Variants in CERT1 observed in about 807,000 individuals in gnomAD.
CERT1 encodes the protein ceramide transfer protein.
A neutral mutation model predicts 87.9 loss-of-function variants in CERT1; 31 were observed. The ratio of observed to expected loss-of-function variants is 0.35; its 90% confidence interval spans 0.27 to 0.48. The LOEUF (loss-of-function observed/expected upper bound fraction) is 0.48. Ranked by LOEUF, CERT1 falls within the 20% of genes least tolerant of loss-of-function variation. CERT1 has a pLI of 0.99. For synonymous variants in CERT1, 289 were observed against 250.9 expected (o/e 1.15, Z -1.44); for missense variants, 487 against 758.0 (o/e 0.64, Z 4.20).
chr5:75,439,479 C>T (rs1764229345), intron 3 of CERT1, among the ~76,000 whole-genome samples: 1 of 151,970 alleles, frequency 6.6e-6, no homozygotes, highest in Non-Finnish European at 1.5e-5. Flanking sequence ...AAGTAACTTC[C>T]TCATGGTGTC....
intron 2 of CERT1, among the ~76,000 whole-genome samples, chr5:75,465,032 G>A (rs1765401704): frequency 6.6e-6 from 1 of 152,190 alleles, no homozygotes; most frequent in Non-Finnish European, 1.5e-5. Context: ...TCTCTGCCAT[G>A]ACGGACATGG....
At chr5:75,457,696 C>T (rs565844189) in intron 3 of CERT1, among the ~76,000 whole-genome samples, 27 of 151,968 alleles carry the variant, frequency 1.8e-4, no homozygotes, top group African/African-American at 5.8e-4. Flanking sequence ...AAAGCTAATA[C>T]GATTGATAAA....
chr5:75,434,015 T>G, intron 3 of CERT1, among the ~76,000 whole-genome samples: 1 of 152,120 alleles, frequency 6.6e-6, no homozygotes, highest in African/African-American at 2.4e-5. Flanking sequence ...GGCTAAGAGC[T>G]TCCAGCATTA....
At chr5:75,424,855 A>G (rs925029770) in intron 5 of CERT1, among the ~76,000 whole-genome samples, 4 of 152,150 alleles carry the variant, frequency 2.6e-5, no homozygotes, top group Admixed American at 1.3e-4. Flanking sequence ...GCTCACACCT[A>G]TAATCTCAAC....
chr5:75,428,961 C>T (rs1030678452), intron 3 of CERT1, among the ~76,000 whole-genome samples: 2 of 151,752 alleles, frequency 1.3e-5, no homozygotes, highest in African/African-American at 2.4e-5. Context: ...TCTTTATTAT[C>T]TTTATCCATA....
intron 14 of CERT1, among the ~76,000 whole-genome samples, chr5:75,384,324 A>C (rs746021736): frequency 7.2e-5 from 11 of 152,198 alleles, no homozygotes; most frequent in Non-Finnish European, 1.6e-4. Context: ...ACTTGAGCTC[A>C]GGAGTTTGAG....
At chr5:75,413,582 T>C (rs767925527) in intron 7 of CERT1, among the ~76,000 whole-genome samples, 1 of 151,950 alleles carries the variant, frequency 6.6e-6, no homozygotes, top group South Asian at 2.1e-4. Flanking sequence ...TGAATAGTCA[T>C]TGCACTTCAG....
At chr5:75,473,556 T>C (rs938907649) in intron 2 of CERT1, among the ~76,000 whole-genome samples, 2 of 152,212 alleles carry the variant, frequency 1.3e-5, no homozygotes, top group Non-Finnish European at 2.9e-5. Flanking sequence ...GAATGGTAGT[T>C]ACCAGAGTCT....
intron 2 of CERT1, among the ~76,000 whole-genome samples, chr5:75,473,711 G>A (rs1213155726): frequency 6.6e-6 from 1 of 152,116 alleles, no homozygotes; most frequent in East Asian, 1.9e-4. Context: ...CTTGAAAAAT[G>A]CTGAGAGTGG....
At position 75,487,224 on chromosome 5, in the gene CERT1, T is replaced by C. The variant is rs141955839; in HGVS notation, c.231+18758A>G. Among the ~76,000 whole-genome samples, 172 of 152,016 alleles carry C rather than the reference T, an allele frequency of 1.1e-3. 1 individual carries two copies. Among genetic ancestry groups the C allele is most frequent in the Admixed American group, 7.4e-3 (113 of 15,288 alleles). On this transcript the variant is annotated intron_variant, in intron 2 of 16. Coordinates refer to ENST00000643780, the MANE Select transcript of CERT1 (RefSeq NM_001379029.1). ...TTGAGAAAAGTGCCAAGAACATACA[T>C]TGGGGAAAGGACAGTCGCTTCAATA... is the stretch of plus-strand genomic sequence containing the variant.
intron 5 of CERT1, among the ~76,000 whole-genome samples, chr5:75,424,852 C>G (rs1763539161): frequency 6.6e-6 from 1 of 152,102 alleles, no homozygotes; most frequent in South Asian, 2.1e-4. Context: ...GTGGCTCACA[C>G]CTATAATCTC....
intron 9 of CERT1, chr5:75,401,728 A>C (rs1762497526): frequency 6.6e-6 from 1 of 152,200 alleles, no homozygotes; most frequent in South Asian, 2.1e-4. Context: ...ATAACGAAAG[A>C]TACACATGAG....
chr5:75,495,804 G>C (rs1767034054), intron 2 of CERT1, among the ~76,000 whole-genome samples: 1 of 152,224 alleles, frequency 6.6e-6, no homozygotes, highest in South Asian at 2.1e-4. Flanking sequence ...TAATAATGCT[G>C]TTCAGAACTC....
At chr5:75,381,484 T>C (rs1045610259) in intron 15 of CERT1, among the ~76,000 whole-genome samples, 1 of 150,728 alleles carries the variant, frequency 6.6e-6, no homozygotes, top group Non-Finnish European at 1.5e-5. Flanking sequence ...ACCTCCAGAG[T>C]AGCTGGGACC....
chr5:75,374,910 G>A, downstream of CERT1: 1 of 345,454 alleles, frequency 2.9e-6, no homozygotes, highest in Non-Finnish European at 5.6e-6. Context: ...GTGCCACCTA[G>A]GGTGAGAATT....
At chr5:75,479,176 C>T (rs545913018) in intron 2 of CERT1, among the ~76,000 whole-genome samples, 3 of 151,974 alleles carry the variant, frequency 2.0e-5, no homozygotes, top group South Asian at 2.1e-4. Flanking sequence ...ATGCTTGCAG[C>T]ATTAAAAAAC....
At position 75,406,261 on chromosome 5, in the gene CERT1, T is replaced by C. The variant is rs1317635697; in HGVS notation, c.931-3203A>G. 3.9e-5 allele frequency among the ~76,000 whole-genome samples: 6 copies of C among 152,260 alleles called. No individual in the cohort carries two copies. The East Asian group carries it at 1.2e-3, about 29-fold the overall frequency. Reference sequence around the variant, plus strand: ...GTTCCCCTGAGGAAAAATATTATTTTGCTTCTGACTACTGGAAAACACTCT... The same window carrying C: ...GTTCCCCTGAGGAAAAATATTATTTCGCTTCTGACTACTGGAAAACACTCT... On this transcript the variant is annotated intron_variant, in intron 8 of 16. Coordinates refer to ENST00000643780, the MANE Select transcript of CERT1 (RefSeq NM_001379029.1).
intron 5 of CERT1, 111 bp downstream of exon 5, chr5:75,425,250 C>G (rs1763564856): frequency 5.6e-6 from 6 of 1,072,226 alleles, no homozygotes; most frequent in Non-Finnish European, 8.0e-6. Context: ...GGGTTTGCAG[C>G]AAAAAATGAC....
intron 12 of CERT1, among the ~76,000 whole-genome samples, chr5:75,387,251 A>T (rs935522098): frequency 4.6e-5 from 7 of 152,306 alleles, no homozygotes; most frequent in African/African-American, 1.7e-4. Flanking sequence ...GGCAGTTCCT[A>T]GATGTGGTGC....
Sources: gnomAD v4.1 joint callset for allele counts (sites outside exome capture counted in the v4.1 genomes callset) on GRCh38, gnomAD v4.1.1 for gene constraint, MANE v1.5 for transcripts, NCBI Gene and HGNC (gene_info 2026-07-23, HGNC 2026-07-21) for gene names.